Variants in USP24 observed in about 807,000 individuals in gnomAD.
USP24 encodes the protein ubiquitin carboxyl-terminal hydrolase 24.
A neutral mutation model predicts 361.6 loss-of-function variants in USP24; 97 were observed. That is an observed-to-expected ratio of 0.27 (90% CI 0.23 to 0.32). USP24 has a LOEUF of 0.32. Ranked by LOEUF, USP24 falls within the 10% of genes least tolerant of loss-of-function variation. The probability of loss-of-function intolerance (pLI) is 1.00; values close to 1 mark genes in which losing one functional copy is unlikely to be tolerated. For synonymous variants in USP24, 1,098 were observed against 1,124.6 expected, an observed-to-expected ratio of 0.98 and a Z score of 0.47; for missense variants, 2,353 against 3,165.6, an observed-to-expected ratio of 0.74 and a Z score of 6.16.
chr1:55,091,704 C>G (rs1024478891), intron 54 of USP24, among the ~76,000 whole-genome samples: 8 of 152,204 alleles, frequency 5.3e-5, no homozygotes, highest in African/African-American at 1.9e-4. Flanking sequence ...CTGTGTTTCT[C>G]TGTTTTGCCT....
intron 40 of USP24, among the ~76,000 whole-genome samples, chr1:55,106,944 T>G (rs1448466156): frequency 6.6e-6 from 1 of 152,216 alleles, no homozygotes; most frequent in Non-Finnish European, 1.5e-5. Flanking sequence ...TATTACAAAG[T>G]ACATAACAGC....
intron 56 of USP24, among the ~76,000 whole-genome samples, chr1:55,085,178 T>C (rs1357257046): frequency 6.6e-6 from 1 of 152,086 alleles, no homozygotes; most frequent in Non-Finnish European, 1.5e-5. Flanking sequence ...GGAATTGAGA[T>C]ACAGTCTTTG....
At chr1:55,201,461 C>G (rs971446640) in intron 1 of USP24, among the ~76,000 whole-genome samples, 1 of 151,678 alleles carries the variant, frequency 6.6e-6, no homozygotes, top group Non-Finnish European at 1.5e-5. Flanking sequence ...ATCAGCTGGG[C>G]GCAGTGGCAG....
chr1:55,085,077 C>A (rs1645223812), intron 56 of USP24, among the ~76,000 whole-genome samples: 1 of 152,030 alleles, frequency 6.6e-6, no homozygotes, highest in Admixed American at 6.6e-5. Flanking sequence ...TATTTTGCAT[C>A]TAGGTAGGAT....
In USP24 at chr1:55,068,153, C is replaced by G. The variant is rs906056678; in HGVS notation, c.*892G>C. The stretch of plus-strand genomic sequence containing the variant: ...CGATTGCAGATCACATGATTTAAGA[C>G]TACAGTTTATTCAATATGTCTCCAA... On this transcript the variant is annotated 3_prime_UTR_variant, in exon 68 of 68. Transcript: ENST00000294383. The G allele has an allele frequency of 1.4e-4, 21 of 152,294 alleles. No individual in the cohort carries two copies. The highest frequency in any genetic ancestry group is 4.8e-4 in the African/African-American group (20 of 41,580). The allele number at this position is 152,294 out of a possible 1,614,324, so 9.4% of individuals were successfully genotyped here.
chr1:55,115,491 G>A (rs1180350172), intron 38 of USP24, among the ~76,000 whole-genome samples: 8 of 5,050 alleles, frequency 1.6e-3, no homozygotes, highest in Non-Finnish European at 0.014. Context: ...GCGAGACTCC[G>A]CCTCAAAAAA....
intron 38 of USP24, among the ~76,000 whole-genome samples, chr1:55,116,666 A>G (rs1646125356): frequency 6.6e-6 from 1 of 151,626 alleles, no homozygotes; most frequent in African/African-American, 2.4e-5. Context: ...CAGCAAAGAG[A>G]CTGAATTGGT....
At chr1:55,158,155 G>A (rs1248458000) in intron 10 of USP24, among the ~76,000 whole-genome samples, 6 of 152,216 alleles carry the variant, frequency 3.9e-5, no homozygotes, top group Non-Finnish European at 8.8e-5. Context: ...GACAAGACTT[G>A]GACAGAGTCC....
chr1:55,172,596 CAAAT>C, intron 3 of USP24, 76 bp from the exon 4 acceptor site: 18 of 1,434,774 alleles, frequency 1.3e-5, no homozygotes, highest in Non-Finnish European at 1.7e-5. Flanking sequence ...AAGTCCATCT[CAAAT>C]AAGTGAGAGA....
intron 42 of USP24, 130 bp downstream of exon 42, chr1:55,103,746 G>T: frequency 1.0e-6 from 1 of 980,744 alleles, no homozygotes; most frequent in Non-Finnish European, 1.5e-6. Flanking sequence ...ATTTGAGTAT[G>T]TGAACACAGT....
At chr1:55,152,240 T>C (rs1647220293) in intron 16 of USP24, among the ~76,000 whole-genome samples, 1 of 152,212 alleles carries the variant, frequency 6.6e-6, no homozygotes, top group Non-Finnish European at 1.5e-5. Flanking sequence ...AATATTCCTT[T>C]CGAGTCTCAC....
intron 2 of USP24, 80 bp downstream of exon 2, chr1:55,177,887 G>C (rs777190240): frequency 7.5e-7 from 1 of 1,337,498 alleles, no homozygotes; most frequent in Non-Finnish European, 1.0e-6. Flanking sequence ...CACACAGCTA[G>C]GCAACAACAA....
intron 1 of USP24, among the ~76,000 whole-genome samples, chr1:55,178,657 C>T (rs915224069): frequency 6.7e-6 from 1 of 149,888 alleles, no homozygotes; most frequent in African/African-American, 2.5e-5. Context: ...GCCTGGGCAA[C>T]AGAGTGAGAC....
chr1:55,180,758 C>T (rs1643942092), intron 1 of USP24, among the ~76,000 whole-genome samples: 1 of 152,210 alleles, frequency 6.6e-6, no homozygotes, highest in Admixed American at 6.5e-5. Flanking sequence ...ACCTCTCCTT[C>T]ACAGCACTAC....
intron 1 of USP24, among the ~76,000 whole-genome samples, chr1:55,206,712 G>C (rs1644716410): frequency 6.8e-6 from 1 of 147,426 alleles, no homozygotes; most frequent in South Asian, 2.1e-4. Flanking sequence ...AGTAGTAACA[G>C]TGAGGATAGA....
intron 8 of USP24, among the ~76,000 whole-genome samples, chr1:55,160,106 G>A (rs1648115473): frequency 2.6e-5 from 4 of 152,188 alleles, no homozygotes; most frequent in Non-Finnish European, 5.9e-5. Context: ...GCCTATAGAT[G>A]AAATTCATAC....
intron 7 of USP24, among the ~76,000 whole-genome samples, chr1:55,164,310 C>T (rs888140165): frequency 2.6e-5 from 4 of 151,942 alleles, no homozygotes; most frequent in South Asian, 2.1e-4. Context: ...AACTGGTAAC[C>T]GTTACCTAGG....
chr1:55,094,367 T>C (rs543749782), intron 51 of USP24, among the ~76,000 whole-genome samples: 1 of 152,254 alleles, frequency 6.6e-6, no homozygotes, highest in African/African-American at 2.4e-5. Context: ...AAGTGGCATA[T>C]GAGATTTAAC....
chr1:55,124,716 T>C (rs1341356218), intron 34 of USP24, 88 bp from the exon 35 acceptor site: 8 of 1,433,006 alleles, frequency 5.6e-6, no homozygotes, highest in Middle Eastern at 2.0e-4. Context: ...CTCAGTTTCA[T>C]ACGCCTCCTT....
Sources: gnomAD v4.1 joint callset for allele counts (sites outside exome capture counted in the v4.1 genomes callset) on GRCh38, gnomAD v4.1.1 for gene constraint, MANE v1.5 for transcripts, NCBI Gene and HGNC (gene_info 2026-07-23, HGNC 2026-07-21) for gene names.